COL19A1: variants seen among roughly 807,000 people sequenced by gnomAD.
COL19A1 encodes collagen type XIX alpha 1 chain.
Under a neutral mutation model 190.2 loss-of-function variants are expected in COL19A1, and 159 were observed. The ratio of observed to expected loss-of-function variants is 0.84; its 90% CI spans 0.73 to 0.95. COL19A1 has a LOEUF of 0.95. Ranked by LOEUF, COL19A1 falls within the 40% of genes least tolerant of loss-of-function variation. The probability of loss-of-function intolerance (pLI) is 0.00; values close to 1 mark genes in which losing one functional copy is unlikely to be tolerated. For missense variants in COL19A1, 1,418 were observed against 1,431.9 expected, an observed-to-expected ratio of 0.99 and a Z score of 0.16; for synonymous variants, 509 against 458.9, an observed-to-expected ratio of 1.11 and a Z score of -1.39.
At chr6:69,931,368 A>C (rs2150014286) in intron 6 of COL19A1, among the ~76,000 whole-genome samples, 1 of 152,306 alleles carries the variant, frequency 6.6e-6, no homozygotes, top group South Asian at 2.1e-4. Context: ...AGCATAAACT[A>C]TTCTGACTGT....
chr6:69,896,721 G>A (rs1769800199), intron 2 of COL19A1, among the ~76,000 whole-genome samples: 1 of 152,172 alleles, frequency 6.6e-6, no homozygotes, highest in Admixed American at 6.5e-5. Flanking sequence ...GTTTCACTTT[G>A]CATTTCCTTG....
chr6:70,021,253 C>T (rs1392301928), intron 11 of COL19A1, among the ~76,000 whole-genome samples: 1 of 152,068 alleles, frequency 6.6e-6, no homozygotes, highest in African/African-American at 2.4e-5. Context: ...ATCTGTTATT[C>T]TCTTGCTATG....
At chr6:70,111,065 A>G (rs1340976646) in intron 16 of COL19A1, among the ~76,000 whole-genome samples, 1 of 152,152 alleles carries the variant, frequency 6.6e-6, no homozygotes, top group Non-Finnish European at 1.5e-5. Flanking sequence ...TCAGAACGGG[A>G]TATTTGTTTC....
chr6:70,100,127 T>G (rs1166375714), intron 15 of COL19A1, among the ~76,000 whole-genome samples: 1 of 152,204 alleles, frequency 6.6e-6, no homozygotes, highest in Non-Finnish European at 1.5e-5. Flanking sequence ...GAAAGGGGAA[T>G]GTAAACTAAA....
intron 49 of COL19A1, among the ~76,000 whole-genome samples, 198 bp from the exon 50 acceptor site, chr6:70,206,703 C>G (rs1767883276): frequency 6.6e-6 from 1 of 150,568 alleles, no homozygotes; most frequent in Admixed American, 6.6e-5. Context: ...TTTTTAAGAT[C>G]CTCATTGCCC....
chr6:69,939,082 T>C (rs537103295), intron 9 of COL19A1, among the ~76,000 whole-genome samples: 1 of 152,266 alleles, frequency 6.6e-6, no homozygotes, highest in East Asian at 1.9e-4. Context: ...ATTTGATTCC[T>C]GAAGGAATGT....
At chr6:69,892,732 C>T (rs928424672) in intron 2 of COL19A1, among the ~76,000 whole-genome samples, 1 of 152,156 alleles carries the variant, frequency 6.6e-6, no homozygotes, top group Non-Finnish European at 1.5e-5. Flanking sequence ...TTACTGACCA[C>T]AGGTCAGGAA....
chr6:69,985,151 A>G (rs1394871567), intron 11 of COL19A1, among the ~76,000 whole-genome samples: 1 of 152,218 alleles, frequency 6.6e-6, no homozygotes, highest in African/African-American at 2.4e-5. Context: ...ATTCCTCACT[A>G]TTGAAATTTT....
Position 70,150,035 on chromosome 6 carries a change from C to T in COL19A1, c.2027C>T (p.Pro676Leu), listed in dbSNP as rs754043908. ...GGAAAGCCAGGCCTGCCAGGCCCCC[C>T]AGGTGACCCGGTATGTAGACAAACC... is the stretch of plus-strand genomic sequence containing the variant. ...RDGKPGLPGP[P>L]GDPIALPLLG... The change falls in exon 30 of 51, where the codon CCA becomes CTA. Residue 676 changes from proline (P) to leucine (L), a missense_variant. Pro to Leu is a moderately conservative substitution (Grantham distance 98). Transcript: ENST00000620364. 3 of 1,613,724 alleles carry T rather than the reference C, an allele frequency of 1.9e-6. No individual in the cohort carries two copies. The highest frequency in any genetic ancestry group is 2.5e-6 in the Non-Finnish European group (3 of 1,179,794).
At chr6:70,065,548 G>T (rs1296113169) in intron 14 of COL19A1, among the ~76,000 whole-genome samples, 1 of 152,118 alleles carries the variant, frequency 6.6e-6, no homozygotes, top group Admixed American at 6.5e-5. Context: ...ATAGGCATGG[G>T]CAAGGACTTC....
chr6:69,877,000 T>C (rs1458249321), intron 1 of COL19A1, among the ~76,000 whole-genome samples: 1 of 152,218 alleles, frequency 6.6e-6, no homozygotes, highest in African/African-American at 2.4e-5. Flanking sequence ...TGAATTAATT[T>C]TAAAATGCTG....
rs191098187 is a variant in COL19A1 at position 70,026,306 on chromosome 6, G to A, written c.1080+2626G>A. Reference sequence around the variant, plus strand: ...ATTCCCAAACTCTCTGTCAGCCACTGTGTGAGTTCCAAATCTGAGTAACAC... The same window carrying A: ...ATTCCCAAACTCTCTGTCAGCCACTATGTGAGTTCCAAATCTGAGTAACAC... On this transcript the variant is annotated intron_variant, in intron 12 of 50. Coordinates refer to ENST00000620364, the MANE Select transcript of COL19A1 (RefSeq NM_001858.6). Among the ~76,000 whole-genome samples the A allele has an allele frequency of 3.3e-5, 5 of 152,310 alleles. No individual in the cohort carries two copies. In the East Asian group the frequency reaches 7.7e-4, roughly 24 times the overall value.
Position 70,184,726 on chromosome 6 carries a change from A to G in COL19A1, c.2799A>G (p.Ile933Met). 6.2e-7 allele frequency: 1 copy of G among 1,600,506 alleles called. No homozygotes were observed. The highest frequency in any genetic ancestry group is 1.1e-5 in the South Asian group (1 of 89,964). Residue 933 changes from isoleucine to methionine, a missense_variant, in exon 45 of 51, where the codon ATA (isoleucine) becomes ATG (methionine). Ile to Met is a conservative substitution (Grantham distance 10, BLOSUM62 1). Coordinates refer to ENST00000620364, the MANE Select transcript of COL19A1 (RefSeq NM_001858.6). ...AGGGAATAAATGGAAAAGATGGAATACCAGGTGCTCAGGTATGGGAAATAT... is the reference window on the plus strand; with the variant it reads ...AGGGAATAAATGGAAAAGATGGAATGCCAGGTGCTCAGGTATGGGAAATAT... The part of the protein sequence containing the change: ...GKPGINGKDG[I>M]PGAQGIMGKP...
At chr6:70,160,177 G>A (rs970056309) in intron 34 of COL19A1, among the ~76,000 whole-genome samples, 6 of 152,042 alleles carry the variant, frequency 3.9e-5, no homozygotes, top group Non-Finnish European at 7.4e-5. Flanking sequence ...TTGACCCACA[G>A]CTCCACGTGG....
At chr6:69,914,591 A>G (rs1458390659) in intron 4 of COL19A1, among the ~76,000 whole-genome samples, 1 of 152,160 alleles carries the variant, frequency 6.6e-6, no homozygotes, top group African/African-American at 2.4e-5. Context: ...ATTTTTTTCC[A>G]TTTAGCCATT....
chr6:70,195,136 G>GATAC (rs373840241), intron 48 of COL19A1, among the ~76,000 whole-genome samples: 3 of 136,030 alleles, frequency 2.2e-5, no homozygotes, highest in Non-Finnish European at 4.8e-5. Context: ...CATCATTGAT[G>GATAC]ATATATATAT....
At position 69,900,403 on chromosome 6, in the gene COL19A1, C is replaced by T. The variant is rs1770105038; in HGVS notation, c.266+65C>T. On this transcript the variant is annotated intron_variant, in intron 4 of 50. Transcript: ENST00000620364. ...CATAAATTATTTTCTAAAGAGATTT[C>T]AAATAATTTGTTTTAAAAATAAAGT... is the stretch of plus-strand genomic sequence containing the variant. The T allele has an allele frequency of 3.4e-6, 3 of 881,078 alleles. No individual in the cohort carries two copies. In the South Asian group the frequency reaches 6.9e-5, roughly 20 times the overall value. 54.6% of individuals were successfully genotyped at this position (881,078 alleles called of 1,614,324 possible).
chr6:70,078,173 C>T (rs921335196), intron 15 of COL19A1, among the ~76,000 whole-genome samples: 7 of 152,100 alleles, frequency 4.6e-5, no homozygotes, highest in African/African-American at 1.7e-4. Flanking sequence ...AGCAAAAACA[C>T]CTATACTGAG....
At chr6:69,967,795 C>A (rs1775202416) in intron 11 of COL19A1, among the ~76,000 whole-genome samples, 1 of 152,044 alleles carries the variant, frequency 6.6e-6, no homozygotes, top group Non-Finnish European at 1.5e-5. Context: ...CAGACAGAAT[C>A]CACTGGAAAA....
Sources: gnomAD v4.1 joint callset for allele counts (sites outside exome capture counted in the v4.1 genomes callset) on GRCh38, gnomAD v4.1.1 for gene constraint, MANE v1.5 for transcripts, NCBI Gene and HGNC (gene_info 2026-07-23, HGNC 2026-07-21) for gene names.